SLC24A4: variants seen among roughly 807,000 people sequenced by gnomAD.
SLC24A4 encodes the protein sodium/potassium/calcium exchanger 4.
SLC24A4 carries 53 observed loss-of-function variants against 79.0 expected under a neutral mutation model. The observed-to-expected ratio is 0.67, with a 90% CI of 0.54 to 0.84. The LOEUF (loss-of-function observed/expected upper bound fraction) is 0.84. Ranked by LOEUF, SLC24A4 falls within the 40% of genes least tolerant of loss-of-function variation. SLC24A4 has a pLI of 0.00. For missense variants in SLC24A4, 731 were observed against 822.0 expected (o/e 0.89, Z 1.35); for synonymous variants, 323 against 323.8 (o/e 1.00, Z 0.03).
At chr14:92,385,196 G>A (rs1889081002) in intron 2 of SLC24A4, among the ~76,000 whole-genome samples, 1 of 152,174 alleles carries the variant, frequency 6.6e-6, no homozygotes, top group Non-Finnish European at 1.5e-5. Flanking sequence ...CATGCCTTCT[G>A]TAGATTATCT....
intron 13 of SLC24A4, chr14:92,483,824 C>G (rs1416518493): frequency 7.8e-7 from 1 of 1,289,822 alleles, no homozygotes; most frequent in African/African-American, 1.5e-5. Flanking sequence ...AACATCGAGT[C>G]CCTTTATTCT....
At chr14:92,392,518 C>T (rs934088940) in intron 2 of SLC24A4, among the ~76,000 whole-genome samples, 3 of 151,888 alleles carry the variant, frequency 2.0e-5, no homozygotes, top group African/African-American at 4.8e-5. Flanking sequence ...TGCATCGTGG[C>T]GGCTAGAATC....
At chr14:92,350,570 A>G (rs1412409243) in intron 2 of SLC24A4, among the ~76,000 whole-genome samples, 1 of 152,184 alleles carries the variant, frequency 6.6e-6, no homozygotes, top group Non-Finnish European at 1.5e-5. Flanking sequence ...GGTGGGGATG[A>G]TCTCCAAACT....
At position 92,442,697 on chromosome 14, in the gene SLC24A4, T is replaced by G; in HGVS notation, c.479-16T>G. 6.3e-7 allele frequency: 1 copy of G among 1,584,570 alleles called. No individual in the cohort carries two copies. Among genetic ancestry groups the G allele is most frequent in the Non-Finnish European group, 8.7e-7 (1 of 1,153,346 alleles). ...ACGTGTGGCTGAGGCCCAGGGTCTG[T>G]GTGTTTCCTTTCCAGGGGTGTTCAT... On this transcript the variant is annotated splice_polypyrimidine_tract_variant and intron_variant, in intron 5 of 16. Coordinates refer to ENST00000532405, the MANE Select transcript of SLC24A4 (RefSeq NM_153646.4).
chr14:92,372,982 T>G (rs986539684), intron 2 of SLC24A4, among the ~76,000 whole-genome samples: 7 of 125,364 alleles, frequency 5.6e-5, no homozygotes, highest in Non-Finnish European at 7.1e-5. Context: ...CCCCCCTCCC[T>G]CTCCCTCTCT....
At chr14:92,322,718 C>G (rs988443865), upstream of SLC24A4, 1 of 152,326 alleles carries the variant, frequency 6.6e-6, no homozygotes, top group African/African-American at 2.4e-5. Flanking sequence ...CTCGTGTTGG[C>G]TTGGTGCAAG....
chr14:92,402,659 A>G (rs1890176738), intron 2 of SLC24A4, among the ~76,000 whole-genome samples: 1 of 152,052 alleles, frequency 6.6e-6, no homozygotes, highest in African/African-American at 2.4e-5. Context: ...TAATCATGGC[A>G]GAAGACAAGG....
At chr14:92,371,589 T>C (rs1232309566) in intron 2 of SLC24A4, among the ~76,000 whole-genome samples, 1 of 152,200 alleles carries the variant, frequency 6.6e-6, no homozygotes. Flanking sequence ...AACTCATTTA[T>C]AAAAACCCTT....
chr14:92,460,988 G>T (rs570416738), intron 12 of SLC24A4, among the ~76,000 whole-genome samples: 3 of 152,206 alleles, frequency 2.0e-5, no homozygotes, highest in Non-Finnish European at 2.9e-5. Flanking sequence ...CCAGGAGTGG[G>T]TGTGGGTAGG....
chr14:92,348,157 G>T (rs1405673450), intron 2 of SLC24A4, among the ~76,000 whole-genome samples: 1 of 152,176 alleles, frequency 6.6e-6, no homozygotes, highest in Admixed American at 6.5e-5. Flanking sequence ...CATTTACTGA[G>T]TGTGTGAACT....
intron 2 of SLC24A4, among the ~76,000 whole-genome samples, chr14:92,428,827 G>T (rs6575254): frequency 0.56 from 85,844 of 152,116 alleles, 24,585 homozygotes; most frequent in East Asian, 0.82. Flanking sequence ...GGAGATGGGA[G>T]GCCAAAGAAG....
At chr14:92,459,408 C>T (rs754500171) in intron 12 of SLC24A4, among the ~76,000 whole-genome samples, 2 of 152,168 alleles carry the variant, frequency 1.3e-5, no homozygotes, top group African/African-American at 2.4e-5. Context: ...AGGTTCTCTG[C>T]ACCCCTGAGT....
intron 2 of SLC24A4, among the ~76,000 whole-genome samples, chr14:92,340,944 G>T (rs1468230573): frequency 2.0e-5 from 3 of 152,258 alleles, no homozygotes; most frequent in African/African-American, 4.8e-5. Context: ...GTAGGGCACT[G>T]CATGTAACAT....
At position 92,323,667 on chromosome 14, in the gene SLC24A4, TC is replaced by T. The variant is rs1219347949; in HGVS notation, c.-159del. ...GCGCGTCCCCACCTTCCCAAGGGGC[TC>T]CCCCGCCGACCTCGCCCTCGGGCCA... On this transcript the variant is annotated 5_prime_UTR_variant, in exon 1 of 17. Coordinates refer to ENST00000532405, the MANE Select transcript of SLC24A4 (RefSeq NM_153646.4). This position sits in a 1 kb window ranked among gnomAD's most constrained non-coding sequence, Gnocchi z 4.9. The T allele has an allele frequency of 2.4e-6, 2 of 827,950 alleles. No individual in the cohort carries two copies. Among genetic ancestry groups the T allele is most frequent in the Non-Finnish European group, 3.5e-6 (2 of 573,528 alleles). 51.3% of individuals were successfully genotyped at this position (827,950 alleles called of 1,614,324 possible).
At chr14:92,372,797 G>T (rs17128265) in intron 2 of SLC24A4, among the ~76,000 whole-genome samples, 1 of 151,820 alleles carries the variant, frequency 6.6e-6, no homozygotes, top group African/African-American at 2.4e-5. Context: ...TTTTGAAGAC[G>T]TGGGTAGGAC....
intron 3 of SLC24A4, 110 bp downstream of exon 3, chr14:92,434,098 G>GT: frequency 1.2e-6 from 1 of 863,488 alleles, no homozygotes; most frequent in Non-Finnish European, 2.0e-6. Context: ...TAACAGCCCA[G>GT]TGAGGAGAGC....
chr14:92,449,797 C>T (rs908301539), intron 10 of SLC24A4, among the ~76,000 whole-genome samples: 2 of 152,228 alleles, frequency 1.3e-5, no homozygotes, highest in African/African-American at 4.8e-5. Context: ...GCCCCTTCCC[C>T]TGGGGCAGCA....
At position 92,441,582 on chromosome 14, in the gene SLC24A4, G is replaced by A. The variant is rs1892498054; in HGVS notation, c.394-507G>A. ...CCCAAAACCGGCATGGGAGGGGATGGTCACTAGACTAGTGTGTGCCTGTGG... is the reference window on the plus strand; with the variant it reads ...CCCAAAACCGGCATGGGAGGGGATGATCACTAGACTAGTGTGTGCCTGTGG... On this transcript the variant is annotated intron_variant, in intron 4 of 16. Transcript: ENST00000532405. The surrounding 1 kb of genome is among the most constrained non-coding windows in gnomAD (Gnocchi z 4.6). Among the ~76,000 whole-genome samples, 1 of 152,206 alleles carries A rather than the reference G, an allele frequency of 6.6e-6. No homozygotes were observed. Among genetic ancestry groups the A allele is most frequent in the Non-Finnish European group, 1.5e-5 (1 of 68,040 alleles).
At chr14:92,488,162 C>G (rs1407919015) in intron 14 of SLC24A4, among the ~76,000 whole-genome samples, 2 of 151,724 alleles carry the variant, frequency 1.3e-5, no homozygotes, top group African/African-American at 4.8e-5. Context: ...GCCTCTGCCC[C>G]CTGGGTTCAA....
Sources: allele counts gnomAD v4.1 joint callset (sites outside exome capture counted in the v4.1 genomes callset), GRCh38; gene constraint gnomAD v4.1.1; non-coding constraint Gnocchi (gnomAD v3.1); transcripts MANE v1.5; gene names NCBI Gene and HGNC (gene_info 2026-07-23, HGNC 2026-07-21).